ELP1: variants seen among roughly 807,000 people sequenced by gnomAD.
The protein encoded by ELP1 is elongator complex protein 1.
A neutral mutation model predicts 183.2 loss-of-function variants in ELP1; 131 were observed. The ratio of observed to expected loss-of-function variants is 0.72; its 90% confidence interval spans 0.62 to 0.83. The LOEUF (loss-of-function observed/expected upper bound fraction) is 0.83, where lower values mean the gene tolerates loss of function less well. ELP1 is among the 40% of genes least tolerant of loss of function. The pLI is 0.00. For missense variants in ELP1, 1,550 were observed against 1,594.9 expected, an observed-to-expected ratio of 0.97 and a Z score of 0.48; for synonymous variants, 555 against 569.0, an observed-to-expected ratio of 0.98 and a Z score of 0.35.
At chr9:108,911,730 T>C (rs1170164485) in intron 11 of ELP1, among the ~76,000 whole-genome samples, 2 of 150,112 alleles carry the variant, frequency 1.3e-5, no homozygotes, top group African/African-American at 2.5e-5. Context: ...ACTACTTCAC[T>C]CTTCAGTCTT....
chr9:108,913,804 G>A (rs755817207), intron 10 of ELP1, among the ~76,000 whole-genome samples: 11 of 152,146 alleles, frequency 7.2e-5, no homozygotes, highest in South Asian at 6.2e-4. Flanking sequence ...GCACCACCAC[G>A]CCGGACTAAT....
intron 22 of ELP1, among the ~76,000 whole-genome samples, chr9:108,897,654 T>C (rs141728742): frequency 1.3e-3 from 195 of 152,384 alleles, no homozygotes; most frequent in Non-Finnish European, 2.3e-3. Flanking sequence ...AACAGCTTTA[T>C]GCAGAAGAGT....
chr9:108,903,244 A>G (rs747018654), intron 15 of ELP1, among the ~76,000 whole-genome samples: 9 of 151,006 alleles, frequency 6.0e-5, no homozygotes, highest in Non-Finnish European at 1.0e-4. Flanking sequence ...ACCCCACGAC[A>G]GGCCCAGGTG....
chr9:108,869,169 A>T lies in ELP1; in HGVS notation c.3945T>A (p.Phe1315Leu). Residue 1315 changes from phenylalanine (F) to leucine (L), a missense_variant, in exon 37 of 37, where the codon TTT becomes TTA. By Grantham distance (22) the Phe-to-Leu change is conservative (BLOSUM62 0). Coordinates refer to ENST00000374647, the MANE Select transcript of ELP1 (RefSeq NM_003640.5). ...TTCTTCTGTTGATCTTTGGTGGTAT[A>T]AAAAGCTCAGCATCTAAAAGCAAGA... The part of the protein sequence containing the change: ...TSVPVLDAEL[F>L]IPPKINRRTQ... The T allele has an allele frequency of 6.2e-7, 1 of 1,614,098 alleles. No homozygotes were observed.
intron 10 of ELP1, 52 bp downstream of exon 10, chr9:108,916,152 C>G: frequency 7.2e-7 from 1 of 1,393,696 alleles, no homozygotes; most frequent in Non-Finnish European, 1.0e-6. Flanking sequence ...TACCTGTCTA[C>G]TTTCAACTAC....
At chr9:108,917,024 C>G (rs1829460648) in intron 9 of ELP1, among the ~76,000 whole-genome samples, 1 of 152,174 alleles carries the variant, frequency 6.6e-6, no homozygotes, top group South Asian at 2.1e-4. Context: ...TTTCCTACTT[C>G]TGTTTTATCT....
chr9:108,902,957 G>A lies in ELP1; in HGVS notation c.1751-15C>T, dbSNP rs1052673919. On this transcript the variant is annotated splice_polypyrimidine_tract_variant and intron_variant, in intron 15 of 36. Coordinates refer to ENST00000374647, the MANE Select transcript of ELP1 (RefSeq NM_003640.5). ...AGAAGGTGACTCTGCAAGATTCACA[G>A]ATCTAGTTCACAAATAGCTGATGCG... is the stretch of plus-strand genomic sequence containing the variant. The A allele has an allele frequency of 1.3e-6, 2 of 1,594,968 alleles. No homozygotes were observed. Among genetic ancestry groups the A allele is most frequent in the Non-Finnish European group, 1.7e-6 (2 of 1,162,770 alleles).
intron 30 of ELP1, 112 bp from the exon 31 acceptor site, chr9:108,881,877 A>C (rs1387413098): frequency 3.9e-6 from 3 of 760,102 alleles, no homozygotes; most frequent in Middle Eastern, 3.2e-4. Flanking sequence ...ATTTTCCTGA[A>C]AAACAGGCCT....
At chr9:108,896,398 G>T in intron 25 of ELP1, 98 bp downstream of exon 25, 1 of 1,104,592 alleles carries the variant, frequency 9.1e-7, no homozygotes, top group Non-Finnish European at 1.4e-6. Flanking sequence ...CACTCACAGA[G>T]TGATAGCAGA....
At position 108,884,241 on chromosome 9, in the gene ELP1, C is replaced by A. The variant is rs1008271028; in HGVS notation, c.3223-2054G>T. 2.0e-5 allele frequency among the ~76,000 whole-genome samples: 3 copies of A among 152,098 alleles called. No homozygotes were observed. The South Asian group carries it at 6.2e-4, about 32-fold the overall frequency. On this transcript the variant is annotated intron_variant, in intron 29 of 36. Transcript: ENST00000374647. ...TAACATACTCATAAACATGTATGCA[C>A]CTATAACAGAGCTTCAAAATACATT...
At chr9:108,933,201 A>G (rs563180154) in intron 1 of ELP1, among the ~76,000 whole-genome samples, 2 of 152,328 alleles carry the variant, frequency 1.3e-5, no homozygotes, top group South Asian at 4.1e-4. Flanking sequence ...AGTTCCCACT[A>G]TTTGGGGACA....
chr9:108,874,916 T>C lies in ELP1; in HGVS notation c.3910A>G (p.Lys1304Glu), dbSNP rs1827642904. 2 of 1,612,008 alleles carry C rather than the reference T, an allele frequency of 1.2e-6. No homozygotes were observed. The highest frequency in any genetic ancestry group is 1.7e-6 in the Non-Finnish European group (2 of 1,178,288). Residue 1304 changes from lysine (K) to glutamate (E), a missense_variant, in exon 36 of 37, where the codon AAG becomes GAG. Lys to Glu is a moderately conservative substitution (Grantham distance 56). Coordinates refer to ENST00000374647, the MANE Select transcript of ELP1 (RefSeq NM_003640.5). The part of the protein sequence containing the change: ...NSIMASYQQQ[K>E]TSVPVLDAEL... ...TAACCAAGAACAGGAACCGAAGTCT[T>C]CTGTTGCTGATAAGATGCCATGATA...
chr9:108,924,079 G>A (rs1189240041), intron 5 of ELP1, among the ~76,000 whole-genome samples: 2 of 152,212 alleles, frequency 1.3e-5, no homozygotes, highest in African/African-American at 4.8e-5. Context: ...CTATCTGCAA[G>A]TTTCCACAGA....
chr9:108,881,605 C>T (rs557798464), intron 31 of ELP1, 100 bp downstream of exon 31: 3 of 772,992 alleles, frequency 3.9e-6, no homozygotes, highest in Admixed American at 3.8e-5. Flanking sequence ...GTCTACATGA[C>T]ATATTATTAA....
rs372428023 is a variant in ELP1, at chr9:108,930,986, C to T, written c.150+11G>A. On this transcript the variant is annotated intron_variant, in intron 2 of 36. Transcript: ENST00000374647. ...ATACCCACATGCTGGCATTCTACAT[C>T]AGTAACTTACTTCTCTTGAGACAGG... The T allele has an allele frequency of 6.2e-7, 1 of 1,613,874 alleles. No homozygotes were observed.
rs755809096 is a variant in ELP1, at chr9:108,886,139, G to A, written c.3222+3193C>T. 1.8e-4 allele frequency among the ~76,000 whole-genome samples: 28 copies of A among 152,216 alleles called. 1 individual carries two copies. The highest frequency in any genetic ancestry group is 3.1e-4 in the Non-Finnish European group (21 of 68,040). On this transcript the variant is annotated intron_variant, in intron 29 of 36. Coordinates refer to ENST00000374647, the MANE Select transcript of ELP1 (RefSeq NM_003640.5). ...AGAAACTGTAATGCATTGGCAGTAC[G>A]CCAAGTCTGGTGTAGGGAGGGCAGC...
At chr9:108,882,839 T>A (rs981300810) in intron 29 of ELP1, among the ~76,000 whole-genome samples, 14 of 152,158 alleles carry the variant, frequency 9.2e-5, no homozygotes, top group Admixed American at 2.6e-4. Context: ...GCAATCCTCC[T>A]GTCTCAATCT....
intron 6 of ELP1, 124 bp downstream of exon 6, chr9:108,922,718 G>T: frequency 2.6e-6 from 2 of 776,172 alleles, no homozygotes; most frequent in Non-Finnish European, 4.6e-6. Context: ...GTTCTAGGCA[G>T]TTTTACTAAA....
At position 108,892,784 on chromosome 9, in the gene ELP1, A is replaced by G. The variant is rs10816762; in HGVS notation, c.2958+202T>C. On this transcript the variant is annotated intron_variant, in intron 27 of 36. Transcript: ENST00000374647. ...TGGGAAAGAAGCAGGGAACCCCACG[A>G]GGAAGGTGCTGTGGTATTCCAGATG... is the stretch of plus-strand genomic sequence containing the variant. Among the ~76,000 whole-genome samples the G allele has an allele frequency of 0.4, 61,187 of 152,056 alleles. 14,436 individuals are homozygous for G. Among genetic ancestry groups the G allele is most frequent in the African/African-American group, 0.66 (27,415 of 41,448 alleles).
Sources: gnomAD v4.1 joint callset for allele counts (sites outside exome capture counted in the v4.1 genomes callset) on GRCh38, gnomAD v4.1.1 for gene constraint, MANE v1.5 for transcripts, NCBI Gene and HGNC (gene_info 2026-07-23, HGNC 2026-07-21) for gene names.